LGSN: variants seen among roughly 807,000 people sequenced by gnomAD.
LGSN encodes the protein lengsin, lens protein with glutamine synthetase domain.
A neutral mutation model predicts 19.5 loss-of-function variants in LGSN; 21 were observed. That is an observed-to-expected ratio of 1.07 (90% CI 0.76 to 1.55). The LOEUF (loss-of-function observed/expected upper bound fraction) is 1.55. Among genes scored for constraint, LGSN ranks in the 40% most tolerant of loss-of-function variants. The pLI is 0.00. For synonymous variants in LGSN, 257 were observed against 215.6 expected (o/e 1.19, Z -1.68); for missense variants, 673 against 608.5 (o/e 1.11, Z -1.12).
At chr6:63,405,598 T>C in the LGSN span, among the ~76,000 whole-genome samples, 2 of 152,218 alleles carry the variant, frequency 1.3e-5, no homozygotes, top group Non-Finnish European at 2.9e-5. Context: ...GCTGCATAAA[T>C]GTCTTCTTTT....
At chr6:63,479,162 G>A in the LGSN span, among the ~76,000 whole-genome samples, 3 of 152,154 alleles carry the variant, frequency 2.0e-5, no homozygotes, top group African/African-American at 7.2e-5. Context: ...CAAGGGAGAT[G>A]GGCTTACTGA....
chr6:63,517,635 C>G, the LGSN span, among the ~76,000 whole-genome samples: 1 of 152,228 alleles, frequency 6.6e-6, no homozygotes, highest in Middle Eastern at 3.4e-3. Flanking sequence ...CACACACACA[C>G]ATGCACACAC....
the LGSN span, among the ~76,000 whole-genome samples, chr6:63,406,045 C>T: frequency 6.6e-6 from 1 of 152,158 alleles, no homozygotes; most frequent in African/African-American, 2.4e-5. Flanking sequence ...GAGTGACCTA[C>T]AAAGAGACTT....
rs570880944 is a variant in LGSN at position 63,314,160 on chromosome 6, C to T, written c.30+5754G>A. On this transcript the variant is annotated intron_variant, in intron 1 of 3. Coordinates refer to ENST00000370657, the MANE Select transcript of LGSN (RefSeq NM_016571.3). ...ATACAGTAAACCCTAACACCTAATG[C>T]GATGATGTTAGGAGGTAGAGCCTTC... Among the ~76,000 whole-genome samples, 61 of 151,252 alleles carry T rather than the reference C, an allele frequency of 4.0e-4. No individual in the cohort carries two copies. In the East Asian group the frequency reaches 0.011, roughly 28 times the overall value.
At chr6:63,496,201 A>C in the LGSN span, among the ~76,000 whole-genome samples, 1 of 152,246 alleles carries the variant, frequency 6.6e-6, no homozygotes, top group Non-Finnish European at 1.5e-5. Flanking sequence ...CTGGGATTAC[A>C]GGCGTGAGCC....
the LGSN span, among the ~76,000 whole-genome samples, chr6:63,450,604 A>G: frequency 6.6e-6 from 1 of 151,896 alleles, no homozygotes; most frequent in African/African-American, 2.4e-5. Flanking sequence ...TAAACATGTT[A>G]TCTATGAACA....
At chr6:63,473,510 A>C in the LGSN span, among the ~76,000 whole-genome samples, 19 of 146,466 alleles carry the variant, frequency 1.3e-4, no homozygotes, top group Non-Finnish European at 2.2e-4. Context: ...AATCTAGCTC[A>C]TGTTTAAATT....
intron 1 of LGSN, 34 bp from the exon 2 acceptor site, chr6:63,295,079 C>A (rs1156284603): frequency 1.1e-5 from 18 of 1,590,310 alleles, no homozygotes; most frequent in Non-Finnish European, 1.4e-5. Context: ...AGCCAAATAA[C>A]AGATTATTCA....
chr6:63,361,322 C>T, the LGSN span, among the ~76,000 whole-genome samples: 1 of 152,188 alleles, frequency 6.6e-6, no homozygotes, highest in Admixed American at 6.5e-5. Flanking sequence ...AGCTTCCTGG[C>T]TGCTTTGTTT....
At chr6:63,302,595 C>T (rs981843935) in intron 1 of LGSN, among the ~76,000 whole-genome samples, 2 of 152,166 alleles carry the variant, frequency 1.3e-5, no homozygotes, top group African/African-American at 4.8e-5. Flanking sequence ...AATACTTTAG[C>T]AGATTTCCAT....
chr6:63,365,555 G>T, the LGSN span, among the ~76,000 whole-genome samples: 2 of 152,072 alleles, frequency 1.3e-5, no homozygotes, highest in Non-Finnish European at 2.9e-5. Context: ...CCAATCAATA[G>T]AAAAAGATGG....
the LGSN span, among the ~76,000 whole-genome samples, chr6:63,439,485 G>A: frequency 6.6e-6 from 1 of 151,838 alleles, no homozygotes; most frequent in Admixed American, 6.6e-5. Flanking sequence ...ACTGCACTCC[G>A]GCCTGGGCGA....
At chr6:63,416,565 T>C in the LGSN span, among the ~76,000 whole-genome samples, 2 of 152,098 alleles carry the variant, frequency 1.3e-5, no homozygotes, top group African/African-American at 4.8e-5. Flanking sequence ...ATACATAGTT[T>C]TTTTGTTGTT....
chr6:63,285,678 A>C lies in LGSN; in HGVS notation c.239T>G (p.Met80Arg). The C allele has an allele frequency of 6.2e-7, 1 of 1,614,042 alleles. No homozygotes were observed. The highest frequency in any genetic ancestry group is 8.5e-7 in the Non-Finnish European group (1 of 1,179,958). ...SSRMKHIRQAMAKNRLQFVRF... is the reference protein window; with the variant it reads ...SSRMKHIRQARAKNRLQFVRF... ...TACAAACTGGAGGCGATTTTTGGCC[A>C]TGGCTTGTCTAATGTGTTTCATTCT... is the stretch of plus-strand genomic sequence containing the variant. The change falls in exon 3 of 4, where the codon ATG becomes AGG. Residue 80 changes from methionine to arginine, a missense_variant. Transcript: ENST00000370657.
chr6:63,448,600 A>T, the LGSN span, among the ~76,000 whole-genome samples: 1 of 145,474 alleles, frequency 6.9e-6, no homozygotes, highest in Non-Finnish European at 1.5e-5. Flanking sequence ...CTCGATCATT[A>T]AAAAAAAAAA....
the LGSN span, among the ~76,000 whole-genome samples, chr6:63,393,330 C>G: frequency 6.6e-6 from 1 of 151,942 alleles, no homozygotes; most frequent in African/African-American, 2.4e-5. Flanking sequence ...GTGTGTGCCA[C>G]AAAGCCCGGC....
At position 63,279,882 on chromosome 6, in the gene LGSN, T is replaced by C. The variant is rs1167762941; in HGVS notation, c.*139A>G. 11 of 782,740 alleles carry C rather than the reference T, an allele frequency of 1.4e-5. No homozygotes were observed. The highest frequency in any genetic ancestry group is 4.1e-6 in the Non-Finnish European group (2 of 482,682). The allele number at this position is 782,740 out of a possible 1,614,324, so 48.5% of individuals were successfully genotyped here. ...CCTACTTCATCTGTCAAATATTCCA[T>C]GGACAAAAAAAAAAGTCAAAAGCAT... is the stretch of plus-strand genomic sequence containing the variant. On this transcript the variant is annotated 3_prime_UTR_variant, in exon 4 of 4. Transcript: ENST00000370657.
chr6:63,467,253 AAAGT>A, the LGSN span, among the ~76,000 whole-genome samples: 1 of 145,368 alleles, frequency 6.9e-6, no homozygotes, highest in Non-Finnish European at 1.5e-5. Flanking sequence ...AATAAAAAAG[AAAGT>A]AAGTTAATAA....
the LGSN span, among the ~76,000 whole-genome samples, chr6:63,329,860 G>T: frequency 6.6e-6 from 1 of 152,236 alleles, no homozygotes; most frequent in Non-Finnish European, 1.5e-5. Flanking sequence ...AACTGAGAAG[G>T]TGGGAGAAAT....
Sources: gnomAD v4.1 joint callset for allele counts (sites outside exome capture counted in the v4.1 genomes callset) on GRCh38, gnomAD v4.1.1 for gene constraint, MANE v1.5 for transcripts, NCBI Gene and HGNC (gene_info 2026-07-23, HGNC 2026-07-21) for gene names.